RALYL: variants seen among roughly 807,000 people sequenced by gnomAD.
RALYL encodes the protein RALY RNA binding protein like, also known as RNA-binding Raly-like protein.
Under a neutral mutation model 35.1 loss-of-function variants are expected in RALYL, and 29 were observed. The ratio of observed to expected loss-of-function variants is 0.83; its 90% CI spans 0.61 to 1.13. The LOEUF (loss-of-function observed/expected upper bound fraction) is 1.13. Ranked by LOEUF, RALYL falls within the 50% of genes most tolerant of loss-of-function variation. RALYL has a pLI of 0.00. For synonymous variants in RALYL, 120 were observed against 127.6 expected (o/e 0.94, Z 0.40); for missense variants, 359 against 360.4 (o/e 1.00, Z 0.03).
At chr8:84,696,897 A>G (rs16913114) in intron 2 of RALYL, among the ~76,000 whole-genome samples, 1,572 of 152,128 alleles carry the variant, frequency 0.01, 34 homozygotes, top group African/African-American at 0.035. Flanking sequence ...TGAGCCCTTT[A>G]GCAGACACAA....
At chr8:84,321,687 A>G (rs1844843556) in intron 1 of RALYL, among the ~76,000 whole-genome samples, 1 of 152,120 alleles carries the variant, frequency 6.6e-6, no homozygotes, top group South Asian at 2.1e-4. Context: ...ATAACCAGGG[A>G]CACAGAGCCA....
At chr8:84,898,737 G>A (rs941518716) in intron 8 of RALYL, among the ~76,000 whole-genome samples, 1 of 152,122 alleles carries the variant, frequency 6.6e-6, no homozygotes, top group African/African-American at 2.4e-5. Context: ...GTAAGGGTGA[G>A]GGTCAGGGAT....
At chr8:84,397,441 C>T (rs371089194) in intron 1 of RALYL, among the ~76,000 whole-genome samples, 95 of 152,112 alleles carry the variant, frequency 6.2e-4, no homozygotes, top group Admixed American at 1.1e-3. Context: ...GGTTTTTTCC[C>T]CAGAAAAATC....
At chr8:84,290,236 C>T (rs571059473) in intron 1 of RALYL, among the ~76,000 whole-genome samples, 2 of 152,312 alleles carry the variant, frequency 1.3e-5, no homozygotes, top group South Asian at 4.2e-4. Context: ...AGGTCCATAT[C>T]TTCCATGTTT....
intron 1 of RALYL, among the ~76,000 whole-genome samples, chr8:84,416,853 C>A (rs962038413): frequency 3.3e-5 from 5 of 152,068 alleles, no homozygotes; most frequent in African/African-American, 1.2e-4. Flanking sequence ...CTTAAAGTTG[C>A]AAAGGAAGGA....
At chr8:84,737,644 A>T (rs1370000355) in intron 2 of RALYL, among the ~76,000 whole-genome samples, 1 of 152,064 alleles carries the variant, frequency 6.6e-6, no homozygotes, top group African/African-American at 2.4e-5. Context: ...GTCACAGACT[A>T]AATGTTTGTG....
At chr8:84,250,880 A>G (rs1830058159) in intron 1 of RALYL, among the ~76,000 whole-genome samples, 1 of 152,172 alleles carries the variant, frequency 6.6e-6, no homozygotes, top group African/African-American at 2.4e-5. Context: ...GCTAGAAAGT[A>G]AGTATTCTAA....
intron 1 of RALYL, among the ~76,000 whole-genome samples, chr8:84,397,420 A>G (rs2042448791): frequency 6.6e-6 from 1 of 152,216 alleles, no homozygotes. Flanking sequence ...TGACAATTTA[A>G]CAAAATGCCA....
At chr8:84,774,516 A>T (rs1363103116) in intron 2 of RALYL, 63 bp from the exon 3 acceptor site, 1 of 1,050,720 alleles carries the variant, frequency 9.5e-7, no homozygotes, top group Non-Finnish European at 1.4e-6. Flanking sequence ...AAAGTTCATG[A>T]TTTACTTTTC....
chr8:84,804,746 G>A, intron 3 of RALYL, 24 bp from the exon 4 acceptor site: 2 of 1,145,552 alleles, frequency 1.7e-6, no homozygotes, highest in Non-Finnish European at 1.1e-6. Context: ...TATATTAAAA[G>A]AAAATTTTCA....
intron 1 of RALYL, among the ~76,000 whole-genome samples, chr8:84,411,694 G>C (rs541285192): frequency 1.3e-5 from 2 of 151,940 alleles, no homozygotes; most frequent in South Asian, 2.1e-4. Flanking sequence ...GTGAATAGTG[G>C]GCAAAGTTTC....
chr8:84,777,259 C>T (rs1209073677), intron 3 of RALYL, among the ~76,000 whole-genome samples: 1 of 152,162 alleles, frequency 6.6e-6, no homozygotes, highest in Non-Finnish European at 1.5e-5. Flanking sequence ...GATTATAGCT[C>T]CCTGTATTTA....
intron 2 of RALYL, among the ~76,000 whole-genome samples, chr8:84,688,840 A>C (rs908665271): frequency 6.6e-6 from 1 of 152,158 alleles, no homozygotes; most frequent in African/African-American, 2.4e-5. Context: ...AAATGGGTTA[A>C]TATCTAAAAT....
At chr8:84,388,452 C>A (rs975435758) in intron 1 of RALYL, among the ~76,000 whole-genome samples, 3 of 152,240 alleles carry the variant, frequency 2.0e-5, no homozygotes, top group African/African-American at 7.2e-5. Flanking sequence ...GTTTATAGTC[C>A]CACCAACAGT....
At chr8:84,581,360 G>A (rs554195090) in intron 2 of RALYL, among the ~76,000 whole-genome samples, 1 of 152,126 alleles carries the variant, frequency 6.6e-6, no homozygotes, top group African/African-American at 2.4e-5. Flanking sequence ...CCACGGTTAT[G>A]AATTCTCCTG....
chr8:84,578,402 T>C (rs1810006908), intron 2 of RALYL, among the ~76,000 whole-genome samples: 1 of 152,228 alleles, frequency 6.6e-6, no homozygotes, highest in Non-Finnish European at 1.5e-5. Context: ...CTGCAGCTCT[T>C]CTTTCCTTCT....
At chr8:84,420,349 G>T (rs1237498853) in intron 1 of RALYL, among the ~76,000 whole-genome samples, 1 of 152,084 alleles carries the variant, frequency 6.6e-6, no homozygotes, top group Non-Finnish European at 1.5e-5. Flanking sequence ...GTCTTCTTTT[G>T]AGAAGTGTCT....
intron 1 of RALYL, among the ~76,000 whole-genome samples, chr8:84,386,930 G>A (rs1377570224): frequency 6.6e-6 from 1 of 151,854 alleles, no homozygotes; most frequent in African/African-American, 2.4e-5. Context: ...GGGGAAGCCA[G>A]TGTCATCAGA....
At chr8:84,497,997 G>A (rs1009980058) in intron 1 of RALYL, among the ~76,000 whole-genome samples, 2 of 151,402 alleles carry the variant, frequency 1.3e-5, no homozygotes, top group African/African-American at 4.9e-5. Context: ...TTAGAATTGA[G>A]GGTACACATG....
Sources: gnomAD v4.1 joint callset for allele counts (sites outside exome capture counted in the v4.1 genomes callset) on GRCh38, gnomAD v4.1.1 for gene constraint, MANE v1.5 for transcripts, NCBI Gene and HGNC (gene_info 2026-07-23, HGNC 2026-07-21) for gene names.